The following MAPKBP1 variants were observed in gnomAD, a reference collection of about 807,000 sequenced individuals.
MAPKBP1 encodes mitogen-activated protein kinase binding protein 1, also known as mitogen-activated protein kinase-binding protein 1.
A neutral mutation model predicts 170.5 loss-of-function variants in MAPKBP1; 71 were observed. The ratio of observed to expected loss-of-function variants is 0.42; its 90% CI spans 0.34 to 0.51. The LOEUF (loss-of-function observed/expected upper bound fraction) is 0.51, where lower values mean the gene tolerates loss of function less well. Ranked by LOEUF, MAPKBP1 falls within the 20% of genes least tolerant of loss-of-function variation. The probability of loss-of-function intolerance (pLI) is 0.06; values close to 1 mark genes in which losing one functional copy is unlikely to be tolerated. For missense variants in MAPKBP1, 1,598 were observed against 1,933.0 expected, an observed-to-expected ratio of 0.83 and a Z score of 3.25; for synonymous variants, 719 against 757.9, an observed-to-expected ratio of 0.95 and a Z score of 0.84.
intron 12 of MAPKBP1, chr15:41,816,321 G>C (rs2064890285): frequency 1.8e-6 from 1 of 549,648 alleles, no homozygotes; most frequent in South Asian, 2.5e-5. Context: ...CTAATTAATA[G>C]TATTATACCA....
At chr15:41,784,758 G>T (rs1409858361) in intron 2 of MAPKBP1, among the ~76,000 whole-genome samples, 3 of 124,918 alleles carry the variant, frequency 2.4e-5, no homozygotes, top group Non-Finnish European at 4.7e-5. Flanking sequence ...CTCCAGCCTG[G>T]CAATAGAGCG....
At chr15:41,810,371 C>G (rs1415660334) in intron 3 of MAPKBP1, among the ~76,000 whole-genome samples, 1 of 151,848 alleles carries the variant, frequency 6.6e-6, no homozygotes, top group Non-Finnish European at 1.5e-5. Context: ...CATGGGGCTA[C>G]AGAGATAGTT....
chr15:41,792,753 T>C (rs1268862633), intron 2 of MAPKBP1, among the ~76,000 whole-genome samples: 2 of 152,256 alleles, frequency 1.3e-5, no homozygotes, highest in Admixed American at 6.5e-5. Flanking sequence ...CTGAAGTTCC[T>C]GTCAGAACTT....
intron 2 of MAPKBP1, 34 bp downstream of exon 2, chr15:41,775,423 C>A: frequency 6.9e-7 from 1 of 1,458,170 alleles, no homozygotes; most frequent in Non-Finnish European, 9.6e-7. Flanking sequence ...CTTTCCAAAC[C>A]CACCCTCTCC....
At chr15:41,821,508 C>T in intron 23 of MAPKBP1, 76 bp from the exon 24 acceptor site, 3 of 1,455,226 alleles carry the variant, frequency 2.1e-6, no homozygotes, top group Non-Finnish European at 2.9e-6. Flanking sequence ...CCCCAGGATA[C>T]TCAGGGCTTA....
At chr15:41,799,380 T>G (rs2064550232) in intron 2 of MAPKBP1, among the ~76,000 whole-genome samples, 2 of 152,140 alleles carry the variant, frequency 1.3e-5, no homozygotes, top group Admixed American at 6.5e-5. Flanking sequence ...TACCTAACAT[T>G]CTTTTGGCTC....
Position 41,814,759 on chromosome 15 carries a change from G to GGCTT in MAPKBP1, c.1170+23_1170+24insTGCT, listed in dbSNP as rs2064862143. The GGCTT allele has an allele frequency of 6.2e-7, 1 of 1,612,292 alleles. No individual in the cohort carries two copies. ...GTGGAGGTATGTGGGCTGGCTGGCTGGCTGGAGACTGGCCAGGTTGGCTGG... is the reference window on the plus strand; with the variant it reads ...GTGGAGGTATGTGGGCTGGCTGGCTGGCTTGCTGGAGACTGGCCAGGTTGGCTGG... On this transcript the variant is annotated intron_variant, in intron 10 of 30. Transcript: ENST00000457542.
chr15:41,817,851 C>T lies in MAPKBP1; in HGVS notation c.1904+116C>T, dbSNP rs2064920374. ...GTACAGGACTTTGTACCCCCTTGAG[C>T]CTACAGTACTTTGCTTCACCCAAGA... is the stretch of plus-strand genomic sequence containing the variant. On this transcript the variant is annotated intron_variant, in intron 16 of 30. Coordinates refer to ENST00000457542, the MANE Select transcript of MAPKBP1 (RefSeq NM_014994.3). The surrounding 1 kb of genome is among the most constrained non-coding windows in gnomAD (Gnocchi z 4.2). The T allele has an allele frequency of 6.4e-7, 1 of 1,562,686 alleles. No individual in the cohort carries two copies. Among genetic ancestry groups the T allele is most frequent in the South Asian group, 1.2e-5 (1 of 85,508 alleles).
chr15:41,790,319 T>C (rs939966185), intron 2 of MAPKBP1, among the ~76,000 whole-genome samples: 16 of 152,208 alleles, frequency 1.1e-4, no homozygotes, highest in Admixed American at 3.3e-4. Flanking sequence ...AGAGCTTTAA[T>C]ATGCAGATTC....
rs1404618648 is a variant in MAPKBP1 at position 41,818,254 on chromosome 15, A to G, written c.2041A>G (p.Ile681Val). 6 of 1,613,984 alleles carry G rather than the reference A, an allele frequency of 3.7e-6. No individual in the cohort carries two copies. The East Asian group carries it at 1.1e-4, about 30-fold the overall frequency. The change falls in exon 18 of 31, where the codon ATT becomes GTT. Residue 681 changes from isoleucine (I) to valine (V), a missense_variant. This residue lies in a region of MAPKBP1 where 63 missense variants were observed against 115.2 expected (regional missense o/e 0.55). Transcript: ENST00000457542. This position sits in a 1 kb window ranked among gnomAD's most constrained non-coding sequence, Gnocchi z 5.2. ...ATSCSDKNLSIFDFSSGECVA... is the reference protein window; with the variant it reads ...ATSCSDKNLSVFDFSSGECVA... ...CAGCTGTTCTGACAAGAATCTCTCC[A>G]TTTTTGACTTCTCCTCAGGCGAGTG... is the stretch of plus-strand genomic sequence containing the variant.
chr15:41,813,038 G>A lies in MAPKBP1; in HGVS notation c.756G>A (p.Thr252=), dbSNP rs748071153. 21 of 1,613,692 alleles carry A rather than the reference G, an allele frequency of 1.3e-5. No individual in the cohort carries two copies. The East Asian group carries it at 1.3e-4, about 10-fold the overall frequency. ...GKKADSTFCI[T]SSGLLCEFSD... ...AGGCGGACAGTACCTTCTGCATCAC[G>A]TCCTCAGGGCTGCTGTGCGAGTTCA... Residue 252 remains threonine, a synonymous_variant, in exon 8 of 31, where the codon ACG becomes ACA. Transcript: ENST00000457542.
In MAPKBP1 at chr15:41,823,535, C is replaced by A. The variant is rs1039004173; in HGVS notation, c.3687C>A (p.Pro1229=). The change falls in exon 29 of 31, where the codon CCC becomes CCA. Residue 1229 remains proline, a synonymous_variant. Coordinates refer to ENST00000457542, the MANE Select transcript of MAPKBP1 (RefSeq NM_014994.3). ...IEAQDGLGSL[P]PADGRPSRPH... ...CTCAGGATGGTCTGGGCTCCCTGCC[C>A]CCAGCTGATGGCCGTCCGTCTCGGC... 8 of 1,614,028 alleles carry A rather than the reference C, an allele frequency of 5.0e-6. No homozygotes were observed. Among genetic ancestry groups the A allele is most frequent in the Non-Finnish European group, 6.8e-6 (8 of 1,180,016 alleles).
chr15:41,777,155 A>G (rs1353453094), intron 2 of MAPKBP1, among the ~76,000 whole-genome samples: 2 of 152,164 alleles, frequency 1.3e-5, no homozygotes, highest in Non-Finnish European at 2.9e-5. Flanking sequence ...AGCCTGGTCA[A>G]GATGGTGAAA....
rs1248078337 is a variant in MAPKBP1 at position 41,825,697 on chromosome 15, G to C, written c.*261G>C. 2.4e-6 allele frequency: 1 copy of C among 410,716 alleles called. No homozygotes were observed. The highest frequency in any genetic ancestry group is 2.0e-5 in the African/African-American group (1 of 48,896). 25.4% of individuals were successfully genotyped at this position (410,716 alleles called of 1,614,324 possible). Reference sequence around the variant, plus strand: ...ACAGGTCTTGGGTCTTTGTCATCTTGGTGCTGTGAGAGGTAGGAGGGCAGC... The same window carrying C: ...ACAGGTCTTGGGTCTTTGTCATCTTCGTGCTGTGAGAGGTAGGAGGGCAGC... On this transcript the variant is annotated 3_prime_UTR_variant, in exon 31 of 31. Transcript: ENST00000457542.
chr15:41,803,206 G>A (rs8036847), intron 3 of MAPKBP1, among the ~76,000 whole-genome samples: 1 of 151,882 alleles, frequency 6.6e-6, no homozygotes, highest in African/African-American at 2.4e-5. Flanking sequence ...CCTGAGGTCA[G>A]GAGTTCAAGA....
intron 2 of MAPKBP1, among the ~76,000 whole-genome samples, chr15:41,786,591 C>A (rs1003931673): frequency 2.0e-5 from 3 of 150,274 alleles, no homozygotes; most frequent in Non-Finnish European, 3.0e-5. Flanking sequence ...GGTGAAACCC[C>A]GTCTCTACTA....
Position 41,815,673 on chromosome 15 carries a change from A to T in MAPKBP1, c.1367A>T (p.Asp456Val). Residue 456 changes from aspartate (D) to valine (V), a missense_variant, in exon 12 of 31, where the codon GAC (aspartate) becomes GTC (valine). Physicochemically the swap from Asp to Val is radical, Grantham distance 152. This residue lies in a region of MAPKBP1 where 430 missense variants were observed against 617.2 expected (regional missense o/e 0.70). Coordinates refer to ENST00000457542, the MANE Select transcript of MAPKBP1 (RefSeq NM_014994.3). ...GATGGGAACACCCAGGCCCTGCTGG[A>T]CACAGAGCTGCCTGGAGGAGACAAA... is the stretch of plus-strand genomic sequence containing the variant. ...YVDGNTQALLDTELPGGDKAD... is the reference protein window; with the variant it reads ...YVDGNTQALLVTELPGGDKAD... 1.2e-6 allele frequency: 2 copies of T among 1,614,140 alleles called. No homozygotes were observed. Among genetic ancestry groups the T allele is most frequent in the Non-Finnish European group, 1.7e-6 (2 of 1,179,992 alleles).
chr15:41,819,451 CTG>C (rs1338066126), intron 21 of MAPKBP1, 72 bp downstream of exon 21: 2 of 1,588,704 alleles, frequency 1.3e-6, no homozygotes, highest in African/African-American at 2.8e-5. Flanking sequence ...TTTTCTGAGA[CTG>C]TGGGGTGAGA....
Position 41,823,731 on chromosome 15 carries a change from C to T in MAPKBP1, c.3883C>T (p.Pro1295Ser), listed in dbSNP as rs1170669512. The T allele has an allele frequency of 1.9e-6, 3 of 1,614,190 alleles. No homozygotes were observed. Among genetic ancestry groups the T allele is most frequent in the Non-Finnish European group, 2.5e-6 (3 of 1,180,028 alleles). ...PSRAHLVLDI[P>S]KPLPDRPTLA... ...CCGGGCTCACCTGGTCCTGGACATC[C>T]CCAAACCACTGCCTGACCGTCCTAC... Residue 1295 changes from proline (P) to serine (S), a missense_variant, in exon 29 of 31, where the codon CCC becomes TCC. Pro to Ser is a moderately conservative substitution (Grantham distance 74). This residue lies in a region of MAPKBP1 where 942 missense variants were observed against 953.2 expected (regional missense o/e 0.99). Transcript: ENST00000457542.
Sources: gnomAD v4.1 joint callset for allele counts (sites outside exome capture counted in the v4.1 genomes callset) on GRCh38, gnomAD v4.1.1 for gene constraint, gnomAD v4.1.1 regional missense constraint, Gnocchi (gnomAD v3.1) non-coding constraint, MANE v1.5 for transcripts, NCBI Gene and HGNC (gene_info 2026-07-23, HGNC 2026-07-21) for gene names.